LAMC2: variants seen among roughly 807,000 people sequenced by gnomAD.
LAMC2 encodes laminin subunit gamma-2.
A neutral mutation model predicts 140.2 loss-of-function variants in LAMC2; 97 were observed. The ratio of observed to expected loss-of-function variants is 0.69; its 90% CI spans 0.59 to 0.82. LAMC2 has a LOEUF of 0.82. LAMC2 is among the 40% of genes least tolerant of loss of function. LAMC2 has a pLI of 0.00. For synonymous variants in LAMC2, 513 were observed against 540.2 expected (o/e 0.95, Z 0.70); for missense variants, 1,402 against 1,476.1 (o/e 0.95, Z 0.82).
At chr1:183,186,664 G>A (rs1261604489) in intron 1 of LAMC2, among the ~76,000 whole-genome samples, 3 of 152,162 alleles carry the variant, frequency 2.0e-5, no homozygotes, top group South Asian at 4.1e-4. Context: ...TGACAAAAGA[G>A]GGTCTTCCTT....
the LAMC2 span, among the ~76,000 whole-genome samples, chr1:183,253,662 A>G: frequency 7.9e-5 from 12 of 152,054 alleles, no homozygotes; most frequent in Admixed American, 1.3e-4. Context: ...ATATATTCCT[A>G]CATATTTGCT....
chr1:183,213,787 C>T (rs1487387926), intron 2 of LAMC2, among the ~76,000 whole-genome samples: 3 of 143,550 alleles, frequency 2.1e-5, no homozygotes. Flanking sequence ...AGATCATGGC[C>T]AGGTGCGGTG....
Position 183,235,731 on chromosome 1 carries a change from G to T in LAMC2, c.2456+1G>T. On this transcript the variant is annotated splice_donor_variant, in intron 16 of 22. Coordinates refer to ENST00000264144, the MANE Select transcript of LAMC2 (RefSeq NM_005562.3). LOFTEE classifies it high-confidence loss of function. ...CTGTGGTGCAAGGGCTTGTGGAAAA[G>T]TACGTTCCTACGGGTCCTCCCGTGG... 1 of 1,614,106 alleles carries T rather than the reference G, an allele frequency of 6.2e-7. No homozygotes were observed. Among genetic ancestry groups the T allele is most frequent in the African/African-American group, 1.3e-5 (1 of 75,052 alleles).
intron 1 of LAMC2, among the ~76,000 whole-genome samples, chr1:183,199,752 A>G (rs1159573138): frequency 6.6e-6 from 1 of 152,200 alleles, no homozygotes; most frequent in African/African-American, 2.4e-5. Context: ...GAAGTGCACA[A>G]TCTGATTTAT....
chr1:183,189,728 AG>A (rs1419323263), intron 1 of LAMC2, among the ~76,000 whole-genome samples: 3 of 152,170 alleles, frequency 2.0e-5, no homozygotes, highest in East Asian at 1.9e-4. Flanking sequence ...AAAGAAGAAG[AG>A]GGTTTTGTTA....
chr1:183,201,194 A>T (rs533155973), intron 1 of LAMC2, among the ~76,000 whole-genome samples: 1 of 152,312 alleles, frequency 6.6e-6, no homozygotes, highest in African/African-American at 2.4e-5. Flanking sequence ...GGAATGATGG[A>T]TGGGACCTAG....
At chr1:183,247,547 TAAAAG>T (rs909549776), downstream of LAMC2, among the ~76,000 whole-genome samples, 3 of 133,544 alleles carry the variant, frequency 2.2e-5, no homozygotes, top group South Asian at 4.8e-4. Context: ...AAAAAAAAGA[TAAAAG>T]AAAAAAATAC....
In LAMC2 at chr1:183,232,843, TC is replaced by T. The variant is rs1451052772; in HGVS notation, c.2208del (p.Leu737TrpfsTer28). 6.2e-6 allele frequency: 10 copies of T among 1,614,038 alleles called. No individual in the cohort carries two copies. The highest frequency in any genetic ancestry group is 1.3e-5 in the African/African-American group (1 of 75,032). ...MQLSLAESEASLGNTNIPASD... is the reference protein window; with the variant it reads ...MQLSLAESEAXLGNTNIPASD... ...GCTGAGCCTGGCAGAAAGTGAAGCT[TC>T]CTTGGGAAACACTGTAGGTTTTTGC... On this transcript the variant is annotated frameshift_variant, in exon 14 of 23. Transcript: ENST00000264144. LOFTEE classifies it high-confidence loss of function.
the LAMC2 span, among the ~76,000 whole-genome samples, chr1:183,258,009 C>A: frequency 6.6e-6 from 1 of 152,130 alleles, no homozygotes; most frequent in African/African-American, 2.4e-5. Context: ...TTAGAACTAT[C>A]CTTAGTTTAT....
the LAMC2 span, among the ~76,000 whole-genome samples, chr1:183,256,447 G>A: frequency 6.6e-6 from 1 of 152,062 alleles, no homozygotes; most frequent in Admixed American, 6.5e-5. Flanking sequence ...TTAAAAAATG[G>A]CCTTCGTTAT....
At chr1:183,237,590 G>T in intron 18 of LAMC2, 86 bp downstream of exon 18, 1 of 1,302,616 alleles carries the variant, frequency 7.7e-7, no homozygotes, top group Non-Finnish European at 1.1e-6. Context: ...ATAATCAAAA[G>T]CTCTCTGACC....
chr1:183,234,571 C>G (rs551884726), intron 15 of LAMC2, 125 bp downstream of exon 15: 1 of 816,268 alleles, frequency 1.2e-6, no homozygotes, highest in Non-Finnish European at 2.0e-6. Flanking sequence ...TGCAGCCATT[C>G]CCTACCTTGA....
In LAMC2 at chr1:183,228,230, T is replaced by C; in HGVS notation, c.1469-144T>C. On this transcript the variant is annotated intron_variant, in intron 10 of 22. Transcript: ENST00000264144. This position sits in a 1 kb window ranked among gnomAD's most constrained non-coding sequence, Gnocchi z 4.3. Reference sequence around the variant, plus strand: ...GAGGGCCAGCCCTGCCTTGCATGCCTGCTCCTGAGGGCTTTGTTCTGGGGT... The same window carrying C: ...GAGGGCCAGCCCTGCCTTGCATGCCCGCTCCTGAGGGCTTTGTTCTGGGGT... The C allele has an allele frequency of 9.1e-7, 1 of 1,094,500 alleles. No individual in the cohort carries two copies. The allele number at this position is 1,094,500 out of a possible 1,614,324, so 67.8% of individuals were successfully genotyped here.
chr1:183,242,672 T>C (rs1399349844), intron 22 of LAMC2, among the ~76,000 whole-genome samples: 1 of 152,224 alleles, frequency 6.6e-6, no homozygotes, highest in East Asian at 1.9e-4. Context: ...TTGGCCTCTA[T>C]AACCCTGAAG....
At chr1:183,239,950 C>A in intron 20 of LAMC2, 90 bp from the exon 21 acceptor site, 2 of 1,414,812 alleles carry the variant, frequency 1.4e-6, no homozygotes, top group Non-Finnish European at 2.0e-6. Flanking sequence ...GGCCCGGCTG[C>A]CGCTGTATTT....
chr1:183,235,463 G>A, intron 15 of LAMC2, 112 bp from the exon 16 acceptor site: 1 of 1,177,044 alleles, frequency 8.5e-7, no homozygotes. Flanking sequence ...AGTTCTGTAG[G>A]GTTTTTCTAA....
downstream of LAMC2, among the ~76,000 whole-genome samples, chr1:183,245,651 G>T (rs1660226595): frequency 6.6e-6 from 1 of 152,222 alleles, no homozygotes; most frequent in Non-Finnish European, 1.5e-5. Flanking sequence ...AATCACATCT[G>T]CCATGCAAAG....
chr1:183,223,055 C>A, intron 6 of LAMC2, 80 bp from the exon 7 acceptor site: 2 of 1,331,374 alleles, frequency 1.5e-6, no homozygotes, highest in Non-Finnish European at 2.1e-6. Flanking sequence ...ACAGAAATTG[C>A]CGACACCAGT....
chr1:183,240,769 C>G, intron 22 of LAMC2: 1 of 927,710 alleles, frequency 1.1e-6, no homozygotes. Context: ...CTGTATATTT[C>G]AGAAAGATCA....
Sources: gnomAD v4.1 joint callset for allele counts (sites outside exome capture counted in the v4.1 genomes callset) on GRCh38, gnomAD v4.1.1 for gene constraint, Gnocchi (gnomAD v3.1) non-coding constraint, MANE v1.5 for transcripts, NCBI Gene and HGNC (gene_info 2026-07-23, HGNC 2026-07-21) for gene names.